The following KCNIP1 variants were observed in gnomAD, a reference collection of about 807,000 sequenced individuals.
KCNIP1 encodes the protein potassium voltage-gated channel interacting protein 1, also known as A-type potassium channel modulatory protein KCNIP1.
KCNIP1 carries 18 observed loss-of-function variants against 33.0 expected under a neutral mutation model. The ratio of observed to expected loss-of-function variants is 0.55; its 90% CI spans 0.38 to 0.81. The LOEUF (loss-of-function observed/expected upper bound fraction) is 0.81, where lower values mean the gene tolerates loss of function less well. Among genes scored for constraint, KCNIP1 ranks in the 30% least tolerant of loss-of-function variants. The pLI is 0.00. For missense variants in KCNIP1, 238 were observed against 271.6 expected (o/e 0.88, Z 0.87); for synonymous variants, 93 against 98.3 (o/e 0.95, Z 0.32).
chr5:170,631,701 C>T (rs1375973695), intron 1 of KCNIP1, among the ~76,000 whole-genome samples: 13 of 152,212 alleles, frequency 8.5e-5, no homozygotes, highest in Non-Finnish European at 4.4e-5. Flanking sequence ...CCCCTCAAAT[C>T]TCCTCCCCTC....
intron 1 of KCNIP1, among the ~76,000 whole-genome samples, chr5:170,566,910 C>T (rs548806599): frequency 2.6e-5 from 4 of 152,334 alleles, no homozygotes; most frequent in African/African-American, 7.2e-5. Context: ...TGGAGTACCA[C>T]GAACAGAAAG....
Position 170,604,892 on chromosome 5 carries a change from A to G in KCNIP1, c.61+100259A>G, listed in dbSNP as rs564231028. On this transcript the variant is annotated intron_variant, in intron 1 of 7. Coordinates refer to ENST00000328939, the MANE Select transcript of KCNIP1 (RefSeq NM_014592.4). ...AAGGAAGATCTGGCAAACAACCTTC[A>G]ACAAAAAAGAGGCCATTTGCACTGG... 3.5e-3 allele frequency among the ~76,000 whole-genome samples: 533 copies of G among 152,348 alleles called. 2 individuals carry two copies. The highest frequency in any genetic ancestry group is 6.3e-3 in the Non-Finnish European group (426 of 68,034).
chr5:170,361,425 A>T (rs1763509960), intron 1 of KCNIP1, among the ~76,000 whole-genome samples: 1 of 152,212 alleles, frequency 6.6e-6, no homozygotes, highest in Admixed American at 6.5e-5. Flanking sequence ...CTCTGTTAGG[A>T]TGAGGGGAGG....
intron 1 of KCNIP1, among the ~76,000 whole-genome samples, chr5:170,602,853 A>G (rs567192030): frequency 6.6e-6 from 1 of 152,236 alleles, no homozygotes; most frequent in Non-Finnish European, 1.5e-5. Flanking sequence ...GTGAGGTGCC[A>G]GTCATGAGAT....
intron 1 of KCNIP1, among the ~76,000 whole-genome samples, chr5:170,365,477 C>T (rs964850500): frequency 1.2e-4 from 19 of 152,186 alleles, no homozygotes; most frequent in African/African-American, 4.3e-4. Flanking sequence ...GCTGGCGGGC[C>T]ATTTGGTTCA....
At chr5:170,537,012 A>G (rs1756012913) in intron 1 of KCNIP1, among the ~76,000 whole-genome samples, 1 of 152,284 alleles carries the variant, frequency 6.6e-6, no homozygotes, top group South Asian at 2.1e-4. Flanking sequence ...TGGCTTTGCA[A>G]AGTGAAACGA....
intron 1 of KCNIP1, among the ~76,000 whole-genome samples, chr5:170,427,118 T>G (rs1755632312): frequency 6.6e-6 from 1 of 152,338 alleles, no homozygotes; most frequent in Middle Eastern, 3.4e-3. Context: ...GGGAGAGTCA[T>G]GGCCTCCCAG....
At chr5:170,413,277 G>A (rs910352045) in intron 1 of KCNIP1, among the ~76,000 whole-genome samples, 5 of 152,168 alleles carry the variant, frequency 3.3e-5, no homozygotes, top group Non-Finnish European at 7.3e-5. Flanking sequence ...CCTCTGGCTG[G>A]GGCCAGGAGG....
At chr5:170,508,511 C>T (rs1754802403) in intron 1 of KCNIP1, among the ~76,000 whole-genome samples, 1 of 152,202 alleles carries the variant, frequency 6.6e-6, no homozygotes, top group Non-Finnish European at 1.5e-5. Context: ...GACAGACAGG[C>T]ATAGAGAAGC....
rs1482436856 is a variant in KCNIP1, at chr5:170,353,756, C to T, written c.-121C>T. 8.3e-6 allele frequency: 7 copies of T among 843,006 alleles called. No individual in the cohort carries two copies. In the Admixed American group the frequency reaches 8.5e-5, roughly 10 times the overall value. The allele number at this position is 843,006 out of a possible 1,614,324, so 52.2% of individuals were successfully genotyped here. A position where few individuals can be genotyped will look rare whatever the true frequency, so the allele number is the denominator to read the frequency against. On this transcript the variant is annotated 5_prime_UTR_variant, in exon 1 of 8. Transcript: ENST00000377360. ...CTGTGCTGTTCCCGGAGCCTGGCTTCAGGGGTGCATCCGTCACTCAGGGTT... is the reference window on the plus strand; with the variant it reads ...CTGTGCTGTTCCCGGAGCCTGGCTTTAGGGGTGCATCCGTCACTCAGGGTT...
At chr5:170,681,408 T>C in intron 1 of KCNIP1, 1 of 339,140 alleles carries the variant, frequency 2.9e-6, no homozygotes, top group Non-Finnish European at 5.3e-6. Flanking sequence ...AGCCAGGAAG[T>C]TAGGGTCTCC....
At chr5:170,548,862 A>G (rs374562828) in intron 1 of KCNIP1, among the ~76,000 whole-genome samples, 1 of 152,354 alleles carries the variant, frequency 6.6e-6, no homozygotes, top group East Asian at 1.9e-4. Flanking sequence ...CAGTGGACCT[A>G]TTCACTAGCA....
At chr5:170,538,067 G>A (rs1389266589) in intron 1 of KCNIP1, among the ~76,000 whole-genome samples, 1 of 152,206 alleles carries the variant, frequency 6.6e-6, no homozygotes, top group Non-Finnish European at 1.5e-5. Context: ...AGCCCTGGGA[G>A]GAAGCTACTA....
At chr5:170,625,046 G>C (rs1290753870) in intron 1 of KCNIP1, among the ~76,000 whole-genome samples, 1 of 152,078 alleles carries the variant, frequency 6.6e-6, no homozygotes, top group Non-Finnish European at 1.5e-5. Context: ...CTCGTGAGCT[G>C]AGTTTTGATG....
chr5:170,715,077 A>G (rs1763600441), intron 1 of KCNIP1, among the ~76,000 whole-genome samples: 1 of 152,118 alleles, frequency 6.6e-6, no homozygotes, highest in Admixed American at 6.5e-5. Context: ...TTTATTTTTT[A>G]CACCTTAGTT....
At chr5:170,530,266 T>C (rs920809092) in intron 1 of KCNIP1, among the ~76,000 whole-genome samples, 3 of 152,226 alleles carry the variant, frequency 2.0e-5, no homozygotes, top group Admixed American at 6.5e-5. Flanking sequence ...ATTATTATTG[T>C]TGGTAATGAT....
At chr5:170,655,739 A>G (rs754394579) in intron 1 of KCNIP1, among the ~76,000 whole-genome samples, 5 of 152,154 alleles carry the variant, frequency 3.3e-5, no homozygotes, top group African/African-American at 9.7e-5. Flanking sequence ...TGGGCTGAGA[A>G]TTGACATTCT....
intron 1 of KCNIP1, among the ~76,000 whole-genome samples, chr5:170,522,767 G>A (rs926331003): frequency 3.9e-5 from 6 of 152,220 alleles, no homozygotes; most frequent in African/African-American, 4.8e-5. Flanking sequence ...AGCTGCACTG[G>A]GACATTCTGG....
intron 1 of KCNIP1, among the ~76,000 whole-genome samples, chr5:170,578,306 A>G (rs1040369653): frequency 2.0e-5 from 3 of 152,158 alleles, no homozygotes; most frequent in Non-Finnish European, 4.4e-5. Context: ...GAATGAGGTG[A>G]GATTCAAAGA....
Sources: gnomAD v4.1 joint callset for allele counts (sites outside exome capture counted in the v4.1 genomes callset) on GRCh38, gnomAD v4.1.1 for gene constraint, MANE v1.5 for transcripts, NCBI Gene and HGNC (gene_info 2026-07-23, HGNC 2026-07-21) for gene names.